ASTN1: variants seen among roughly 807,000 people sequenced by gnomAD.
The protein encoded by ASTN1 is astrotactin 1.
ASTN1 carries 41 observed loss-of-function variants against 140.7 expected under a neutral mutation model. That is an observed-to-expected ratio of 0.29 (90% CI 0.23 to 0.38). The LOEUF is 0.38. Ranked by LOEUF, ASTN1 falls within the 10% of genes least tolerant of loss-of-function variation. The pLI, the probability that ASTN1 is intolerant of heterozygous loss-of-function variation, is 1.00. For missense variants in ASTN1, 1,479 were observed against 1,678.8 expected, an observed-to-expected ratio of 0.88 and a Z score of 2.08; for synonymous variants, 640 against 652.2, an observed-to-expected ratio of 0.98 and a Z score of 0.29.
At position 177,091,374 on chromosome 1, in the gene ASTN1, A is replaced by G. The variant is rs186251315; in HGVS notation, c.284-30109T>C. ...GTTATTAGTGGTTTTTCTTGAATGC[A>G]GTTTTAGGATTCCATGTTTATTTTT... On this transcript the variant is annotated intron_variant, in intron 1 of 22. Transcript: ENST00000361833. 1.6e-3 allele frequency among the ~76,000 whole-genome samples: 243 copies of G among 152,224 alleles called. 1 individual carries two copies. The highest frequency in any genetic ancestry group is 5.5e-3 in the African/African-American group (230 of 41,546).
chr1:177,114,795 A>T (rs188205854), intron 1 of ASTN1, among the ~76,000 whole-genome samples: 1 of 152,332 alleles, frequency 6.6e-6, no homozygotes, highest in African/African-American at 2.4e-5. Context: ...AATGTTTTAA[A>T]TGTCCTAATT....
At chr1:176,993,874 T>C (rs1413535983) in intron 8 of ASTN1, among the ~76,000 whole-genome samples, 2 of 152,184 alleles carry the variant, frequency 1.3e-5, no homozygotes, top group East Asian at 1.9e-4. Context: ...TTTGACTCTC[T>C]TGTAGCCTAC....
At chr1:177,015,600 ATCACTACATT>A (rs1305154748) in intron 7 of ASTN1, among the ~76,000 whole-genome samples, 1 of 152,230 alleles carries the variant, frequency 6.6e-6, no homozygotes, top group Non-Finnish European at 1.5e-5. Flanking sequence ...TATTTAGGAT[ATCACTACATT>A]TCATTATAAT....
chr1:176,885,736 G>C (rs899120944), intron 18 of ASTN1, among the ~76,000 whole-genome samples: 1 of 152,090 alleles, frequency 6.6e-6, no homozygotes, highest in Admixed American at 6.5e-5. Context: ...TTTGCTACTG[G>C]GGATGCAGTG....
chr1:177,046,621 C>T (rs1252728822), intron 2 of ASTN1, among the ~76,000 whole-genome samples: 1 of 152,148 alleles, frequency 6.6e-6, no homozygotes, highest in Non-Finnish European at 1.5e-5. Flanking sequence ...ACTCTGAAAA[C>T]CTTTTATAGT....
At chr1:177,154,215 T>C (rs931913886) in intron 1 of ASTN1, among the ~76,000 whole-genome samples, 1 of 152,152 alleles carries the variant, frequency 6.6e-6, no homozygotes, top group African/African-American at 2.4e-5. Context: ...CAAAATGTAA[T>C]AGGTGACCAT....
Position 176,946,101 on chromosome 1 carries a change from G to A in ASTN1, c.2074C>T (p.Leu692Phe). The change falls in exon 13 of 23, where the codon CTT becomes TTT. Residue 692 changes from leucine to phenylalanine, a missense_variant. Coordinates refer to ENST00000361833, the MANE Select transcript of ASTN1 (RefSeq NM_004319.3). ...TGGCAAGAGCGTCCATCCACACCAA[G>A]CTTGTAGTCCTCGATGCACCTAGCA... Reference protein sequence around the residue: ...MFCGCIEDYKLGVDGRSCQLI... With the variant: ...MFCGCIEDYKFGVDGRSCQLI... 6.2e-7 allele frequency: 1 copy of A among 1,611,922 alleles called. No individual in the cohort carries two copies. The highest frequency in any genetic ancestry group is 2.2e-5 in the East Asian group (1 of 44,832).
intron 14 of ASTN1, among the ~76,000 whole-genome samples, chr1:176,942,660 T>C (rs1671767932): frequency 6.6e-6 from 1 of 151,178 alleles, no homozygotes; most frequent in African/African-American, 2.4e-5. Flanking sequence ...GCATATCTGA[T>C]TGCCTCCTTT....
intron 15 of ASTN1, 99 bp from the exon 16 acceptor site, chr1:176,934,439 G>T: frequency 8.1e-7 from 1 of 1,227,062 alleles, no homozygotes; most frequent in African/African-American, 1.5e-5. Flanking sequence ...TGCCTGTGTG[G>T]CTCAAAGTGA....
chr1:177,005,801 G>A (rs1674966929), intron 8 of ASTN1, among the ~76,000 whole-genome samples: 1 of 152,120 alleles, frequency 6.6e-6, no homozygotes, highest in African/African-American at 2.4e-5. Flanking sequence ...TAGAGATGGG[G>A]TTTCACCATG....
chr1:176,985,250 C>T (rs1673832501), intron 8 of ASTN1, among the ~76,000 whole-genome samples: 1 of 152,096 alleles, frequency 6.6e-6, no homozygotes, highest in Admixed American at 6.5e-5. Context: ...GAGGAAGACC[C>T]AGAGTTTCTT....
In ASTN1 at chr1:176,862,773, T is replaced by C; in HGVS notation, c.*1511A>G. 1 of 974,680 alleles carries C rather than the reference T, an allele frequency of 1.0e-6. No individual in the cohort carries two copies. The highest frequency in any genetic ancestry group is 1.2e-6 in the Non-Finnish European group (1 of 820,156). The allele number at this position is 974,680 out of a possible 1,614,324, so 60.4% of individuals were successfully genotyped here. A position where few individuals can be genotyped will look rare whatever the true frequency, so the allele number is the denominator to read the frequency against. On this transcript the variant is annotated 3_prime_UTR_variant, in exon 23 of 23. Coordinates refer to ENST00000361833, the MANE Select transcript of ASTN1 (RefSeq NM_004319.3). ...AGAATTCAATGATACCTAAAGTGCTTACATCAGCGCCTGGCATACAGCAAG... is the reference window on the plus strand; with the variant it reads ...AGAATTCAATGATACCTAAAGTGCTCACATCAGCGCCTGGCATACAGCAAG...
At chr1:176,917,212 T>A (rs1208800889) in intron 16 of ASTN1, among the ~76,000 whole-genome samples, 1 of 152,176 alleles carries the variant, frequency 6.6e-6, no homozygotes, top group East Asian at 1.9e-4. Flanking sequence ...TCCCAGAGAC[T>A]TGATGAACAA....
intron 8 of ASTN1, among the ~76,000 whole-genome samples, chr1:176,993,143 T>C (rs1306176856): frequency 1.3e-5 from 2 of 152,170 alleles, no homozygotes; most frequent in Admixed American, 1.3e-4. Context: ...TGTGAGAACA[T>C]AATGTCTGTT....
At chr1:177,103,909 G>C (rs1406000942) in intron 1 of ASTN1, among the ~76,000 whole-genome samples, 1 of 152,150 alleles carries the variant, frequency 6.6e-6, no homozygotes, top group Non-Finnish European at 1.5e-5. Flanking sequence ...CTCTTTCACA[G>C]TTATTTACAG....
At chr1:177,163,746 T>C (rs937899245) in intron 1 of ASTN1, among the ~76,000 whole-genome samples, 1 of 152,102 alleles carries the variant, frequency 6.6e-6, no homozygotes, top group Non-Finnish European at 1.5e-5. Context: ...GACATGGATG[T>C]GTGGATGTGG....
chr1:176,911,302 CTT>C (rs1180750440), intron 16 of ASTN1, among the ~76,000 whole-genome samples: 1 of 152,114 alleles, frequency 6.6e-6, no homozygotes, highest in Admixed American at 6.5e-5. Context: ...CTCCTGCAGA[CTT>C]TAGAAACACT....
intron 1 of ASTN1, among the ~76,000 whole-genome samples, chr1:177,109,868 T>C (rs968534714): frequency 1.3e-5 from 2 of 152,216 alleles, no homozygotes; most frequent in Non-Finnish European, 2.9e-5. Flanking sequence ...AGCTTTCATC[T>C]TTCCAATTTC....
At chr1:176,913,790 T>C (rs1670358403) in intron 16 of ASTN1, among the ~76,000 whole-genome samples, 1 of 152,126 alleles carries the variant, frequency 6.6e-6, no homozygotes. Flanking sequence ...GGAAAGTAGA[T>C]AAGAGAATGT....
Sources: allele counts gnomAD v4.1 joint callset (sites outside exome capture counted in the v4.1 genomes callset), GRCh38; gene constraint gnomAD v4.1.1; transcripts MANE v1.5; gene names NCBI Gene and HGNC (gene_info 2026-07-23, HGNC 2026-07-21).